Variants in RBFOX3 observed in about 807,000 individuals in gnomAD.
RBFOX3 encodes the protein RNA binding protein fox-1 homolog 3.
In RBFOX3, 17 loss-of-function variants were observed where a neutral mutation model predicts 48.7. The observed-to-expected ratio is 0.35, with a 90% CI of 0.24 to 0.52. The LOEUF (loss-of-function observed/expected upper bound fraction) is 0.52, where lower values mean the gene tolerates loss of function less well. Ranked by LOEUF, RBFOX3 falls within the 20% of genes least tolerant of loss-of-function variation. The pLI, the probability that RBFOX3 is intolerant of heterozygous loss-of-function variation, is 0.94. For missense variants in RBFOX3, 382 were observed against 497.5 expected (o/e 0.77, Z 2.21); for synonymous variants, 212 against 209.5 (o/e 1.01, Z -0.10).
At chr17:79,328,730 C>T (rs1357048463) in intron 2 of RBFOX3, among the ~76,000 whole-genome samples, 4 of 152,180 alleles carry the variant, frequency 2.6e-5, no homozygotes. Context: ...GTATCTCTCT[C>T]CACCCGGAGA....
chr17:79,665,478 C>T, the RBFOX3 span, among the ~76,000 whole-genome samples: 1 of 150,712 alleles, frequency 6.6e-6, no homozygotes, highest in Non-Finnish European at 1.5e-5. Flanking sequence ...TGCGGCTTTG[C>T]CAGTGACTTG....
In RBFOX3 at chr17:79,479,415, C is replaced by T. The variant is rs1376242189; in HGVS notation, c.-175+3039G>A. On this transcript the variant is annotated intron_variant, in intron 2 of 14. Coordinates refer to ENST00000693108, the MANE Select transcript of RBFOX3 (RefSeq NM_001350451.2). The surrounding 1 kb of genome is among the most constrained non-coding windows in gnomAD (Gnocchi z 5.1). ...AGACAGGCAGAGATTCAAAGCCACA[C>T]GCAGGCCTCAGACTGCATTGCTCCT... Among the ~76,000 whole-genome samples the T allele has an allele frequency of 3.2e-4, 49 of 152,198 alleles. 1 individual carries two copies. The highest frequency in any genetic ancestry group is 2.6e-3 in the Admixed American group (40 of 15,288).
the RBFOX3 span, among the ~76,000 whole-genome samples, chr17:79,650,531 T>C: frequency 6.6e-6 from 1 of 152,102 alleles, no homozygotes; most frequent in South Asian, 2.1e-4. Context: ...GCATTTCCAC[T>C]AGGACGTGAA....
intron 1 of RBFOX3, among the ~76,000 whole-genome samples, chr17:79,542,227 G>A (rs192860411): frequency 1.8e-4 from 28 of 152,234 alleles, no homozygotes; most frequent in African/African-American, 5.8e-4. Flanking sequence ...GGGCAGACTC[G>A]AATTCAGACA....
rs140072103 is a variant in RBFOX3, at chr17:79,448,214, G to A, written c.-175+34240C>T. ...TTCAGGAGCCCCCAGAAGAGGGGGTGGGGGTGTGAGAGTCTGGAAAACTGG... is the reference window on the plus strand; with the variant it reads ...TTCAGGAGCCCCCAGAAGAGGGGGTAGGGGTGTGAGAGTCTGGAAAACTGG... On this transcript the variant is annotated intron_variant, in intron 2 of 14. Transcript: ENST00000693108. 3.3e-3 allele frequency among the ~76,000 whole-genome samples: 500 copies of A among 152,234 alleles called. 2 individuals are homozygous for A. Among genetic ancestry groups the A allele is most frequent in the Middle Eastern group, 0.02 (6 of 294 alleles).
intron 2 of RBFOX3, among the ~76,000 whole-genome samples, chr17:79,455,729 G>A (rs782234271): frequency 1.6e-4 from 24 of 152,116 alleles, no homozygotes; most frequent in Admixed American, 5.2e-4. Flanking sequence ...AGCATCAGAC[G>A]GACGCAGACA....
chr17:79,258,606 T>A (rs1416329300), intron 3 of RBFOX3, among the ~76,000 whole-genome samples: 1 of 152,178 alleles, frequency 6.6e-6, no homozygotes, highest in Non-Finnish European at 1.5e-5. Context: ...AAAGGAGCTC[T>A]AGAGCCTCAG....
chr17:79,237,152 T>C (rs566931879), intron 3 of RBFOX3, among the ~76,000 whole-genome samples: 38 of 152,324 alleles, frequency 2.5e-4, no homozygotes, highest in African/African-American at 9.1e-4. Context: ...CATATGTGTA[T>C]GTGTGCGTAT....
chr17:79,176,935 CAAGAG>C (rs1478272457), intron 4 of RBFOX3, among the ~76,000 whole-genome samples: 1 of 152,162 alleles, frequency 6.6e-6, no homozygotes, highest in African/African-American at 2.4e-5. Flanking sequence ...AGAAGGAAGC[CAAGAG>C]AAGAGACAGA....
intron 3 of RBFOX3, among the ~76,000 whole-genome samples, chr17:79,303,850 C>CGTGT (rs1568007584): frequency 1.7e-5 from 1 of 59,166 alleles, no homozygotes; most frequent in Admixed American, 2.3e-4. Flanking sequence ...TGCATGTCTG[C>CGTGT]CTGTGTGTGT....
intron 4 of RBFOX3, among the ~76,000 whole-genome samples, chr17:79,232,005 C>A (rs1172072528): frequency 1.3e-5 from 2 of 152,172 alleles, no homozygotes; most frequent in African/African-American, 4.8e-5. Context: ...CACCTCTTCA[C>A]AGGGCGGCAG....
At chr17:79,279,688 A>G (rs559119805) in intron 3 of RBFOX3, among the ~76,000 whole-genome samples, 182 of 152,246 alleles carry the variant, frequency 1.2e-3, no homozygotes, top group African/African-American at 4.0e-3. Context: ...CCAGCAAGGC[A>G]CTCCCACGGC....
In RBFOX3 at chr17:79,205,553, T is replaced by G. The variant is rs1044634945; in HGVS notation, c.-34+30213A>C. On this transcript the variant is annotated intron_variant, in intron 4 of 14. Transcript: ENST00000693108. This position sits in a 1 kb window ranked among gnomAD's most constrained non-coding sequence, Gnocchi z 4.5. ...AAAAAACAGTACACCCCAGGGAACT[T>G]GCAAAAATTATATCCACTATCAAAT... 3.3e-5 allele frequency among the ~76,000 whole-genome samples: 5 copies of G among 152,060 alleles called. No homozygotes were observed. The highest frequency in any genetic ancestry group is 4.8e-5 in the African/African-American group (2 of 41,386).
At chr17:79,150,870 G>A (rs1302741492) in intron 4 of RBFOX3, among the ~76,000 whole-genome samples, 6 of 152,212 alleles carry the variant, frequency 3.9e-5, no homozygotes, top group Non-Finnish European at 7.3e-5. Context: ...CCCCGTGTGC[G>A]CAATGGGAGG....
chr17:79,521,270 G>A (rs1042667503), intron 1 of RBFOX3, among the ~76,000 whole-genome samples: 5 of 126,044 alleles, frequency 4.0e-5, no homozygotes, highest in Non-Finnish European at 4.7e-5. Flanking sequence ...ACAGACACAC[G>A]CACAGACACA....
At chr17:79,141,742 C>T (rs2041958711) in intron 4 of RBFOX3, among the ~76,000 whole-genome samples, 1 of 152,166 alleles carries the variant, frequency 6.6e-6, no homozygotes, top group African/African-American at 2.4e-5. Context: ...AAGACAGCCT[C>T]CCTGGGCAGG....
chr17:79,185,386 G>A (rs934535086), intron 4 of RBFOX3, among the ~76,000 whole-genome samples: 1 of 152,156 alleles, frequency 6.6e-6, no homozygotes, highest in Non-Finnish European at 1.5e-5. Flanking sequence ...CGCAAGGGCC[G>A]GGCATGCCTG....
chr17:79,521,982 A>T (rs1221071698), intron 1 of RBFOX3, among the ~76,000 whole-genome samples: 2 of 152,188 alleles, frequency 1.3e-5, no homozygotes, highest in Non-Finnish European at 2.9e-5. Flanking sequence ...GCGGCAAAGG[A>T]GGGCTCTGCT....
At chr17:79,649,058 A>G in the RBFOX3 span, among the ~76,000 whole-genome samples, 1 of 149,120 alleles carries the variant, frequency 6.7e-6, no homozygotes, top group African/African-American at 2.5e-5. Flanking sequence ...AGCTCACTGC[A>G]GCCTCCACTT....
Sources: allele counts gnomAD v4.1 joint callset (sites outside exome capture counted in the v4.1 genomes callset), GRCh38; gene constraint gnomAD v4.1.1; non-coding constraint Gnocchi (gnomAD v3.1); transcripts MANE v1.5; gene names NCBI Gene and HGNC (gene_info 2026-07-23, HGNC 2026-07-21).